The following MET variants were observed in gnomAD, a reference collection of about 807,000 sequenced individuals.
MET encodes the protein hepatocyte growth factor receptor.
A neutral mutation model predicts 133.1 loss-of-function variants in MET; 48 were observed. The ratio of observed to expected loss-of-function variants is 0.36; its 90% CI spans 0.29 to 0.46. MET has a LOEUF of 0.46. Among genes scored for constraint, MET ranks in the 20% least tolerant of loss-of-function variants. The probability of loss-of-function intolerance (pLI) is 1.00; values close to 1 mark genes in which losing one functional copy is unlikely to be tolerated. For synonymous variants in MET, 628 were observed against 616.5 expected (o/e 1.02, Z -0.28); for missense variants, 1,442 against 1,695.9 (o/e 0.85, Z 2.63).
At chr7:116,782,755 G>A (rs539434582) in intron 18 of MET, among the ~76,000 whole-genome samples, 4 of 152,286 alleles carry the variant, frequency 2.6e-5, no homozygotes, top group South Asian at 2.1e-4. Flanking sequence ...CCCAGATAGC[G>A]GAAATTGATT....
chr7:116,771,282 C>G (rs1272850760), intron 12 of MET, among the ~76,000 whole-genome samples: 1 of 152,140 alleles, frequency 6.6e-6, no homozygotes, highest in African/African-American at 2.4e-5. Flanking sequence ...CAAATACAAA[C>G]AGCTAAGTAC....
chr7:116,757,106 G>A (rs574309830), intron 6 of MET, among the ~76,000 whole-genome samples: 2 of 151,770 alleles, frequency 1.3e-5, no homozygotes, highest in South Asian at 2.1e-4. Flanking sequence ...ACCAGATGCC[G>A]TGGCATGCAC....
In MET at chr7:116,699,881, G is replaced by A. The variant is rs2116598150; in HGVS notation, c.797G>A (p.Arg266Lys). The A allele has an allele frequency of 6.2e-7, 1 of 1,614,086 alleles. No individual in the cohort carries two copies. Among genetic ancestry groups the A allele is most frequent in the Non-Finnish European group, 8.5e-7 (1 of 1,179,976 alleles). Residue 266 changes from arginine to lysine, a missense_variant, in exon 2 of 21, where the codon AGG (arginine) becomes AAG (lysine). By Grantham distance (26) the Arg-to-Lys change is conservative (BLOSUM62 2). Transcript: ENST00000397752. ...NNFIYFLTVQ[R>K]ETLDAQTFHT... ...TTTATTTACTTCTTGACGGTCCAAA[G>A]GGAAACTCTAGATGCTCAGACTTTT...
intron 2 of MET, chr7:116,724,642 A>G (rs1584906041): frequency 2.3e-6 from 1 of 440,384 alleles, no homozygotes; most frequent in South Asian, 1.6e-5. Context: ...TTGTTCTGAC[A>G]GCAGACTGAT....
intron 1 of MET, among the ~76,000 whole-genome samples, chr7:116,692,342 T>C (rs1796805430): frequency 6.6e-6 from 1 of 152,192 alleles, no homozygotes; most frequent in Non-Finnish European, 1.5e-5. Flanking sequence ...GAAAGCAAAA[T>C]TACCTATGTC....
At chr7:116,679,412 G>C (rs1796272061) in intron 1 of MET, among the ~76,000 whole-genome samples, 1 of 152,202 alleles carries the variant, frequency 6.6e-6, no homozygotes, top group African/African-American at 2.4e-5. Flanking sequence ...GCCTTGCAAA[G>C]AGTGCTGAAA....
rs778309347 is a variant in MET at position 116,769,652 on chromosome 7, A to G, written c.2591A>G (p.Asp864Gly). ...NENVLEIKGNDIDPEAVKGEV... is the reference protein window; with the variant it reads ...NENVLEIKGNGIDPEAVKGEV... ...TTTTTTTTTTCCTTTCAGGGAAATGATATTGACCCTGAAGCAGTTAAAGGT... is the reference window on the plus strand; with the variant it reads ...TTTTTTTTTTCCTTTCAGGGAAATGGTATTGACCCTGAAGCAGTTAAAGGT... Residue 864 changes from aspartate (D) to glycine (G), a missense_variant, in exon 12 of 21, where the codon GAT (aspartate) becomes GGT (glycine). Physicochemically the swap from Asp to Gly is moderately conservative, Grantham distance 94. Coordinates refer to ENST00000397752, the MANE Select transcript of MET (RefSeq NM_000245.4). 4 of 1,608,172 alleles carry G rather than the reference A, an allele frequency of 2.5e-6. No individual in the cohort carries two copies. The African/African-American group carries it at 4.1e-5, about 16-fold the overall frequency.
In MET at chr7:116,700,365, G is replaced by C. The variant is rs536168827; in HGVS notation, c.1200+81G>C. 2.0e-6 allele frequency: 3 copies of C among 1,469,562 alleles called. No individual in the cohort carries two copies. The South Asian group carries it at 4.1e-5, about 20-fold the overall frequency. The allele number at this position is 1,469,562 out of a possible 1,614,324, so 91.0% of individuals were successfully genotyped here. A position where few individuals can be genotyped will look rare whatever the true frequency, so the allele number is the denominator to read the frequency against. Reference sequence around the variant, plus strand: ...ATCAGTCTCAAAAAGAATATCCAGGGCTTCTTTTGTGCTTTGTAAATGGTG... The same window carrying C: ...ATCAGTCTCAAAAAGAATATCCAGGCCTTCTTTTGTGCTTTGTAAATGGTG... On this transcript the variant is annotated intron_variant, in intron 2 of 20. Transcript: ENST00000397752.
rs2117048380 is a variant in MET at position 116,778,951 on chromosome 7, G to C, written c.3516G>C (p.Glu1172Asp). Residue 1172 changes from glutamate to aspartate, a missense_variant, in exon 17 of 21, where the codon GAG becomes GAC. Physicochemically the swap from Glu to Asp is conservative, Grantham distance 45. Around this residue, in one of 6 missense-constraint regions of MET, gnomAD observed 514 missense variants for 659.6 expected, o/e 0.78. Transcript: ENST00000397752. ...HGDLRNFIRN[E>D]THNPTVKDLI... ...ATCTTCGAAATTTCATTCGAAATGAGACTCATGTAAGTTGACTGCCAAGCT... is the reference window on the plus strand; with the variant it reads ...ATCTTCGAAATTTCATTCGAAATGACACTCATGTAAGTTGACTGCCAAGCT... 6.2e-7 allele frequency: 1 copy of C among 1,613,714 alleles called. No individual in the cohort carries two copies. The highest frequency in any genetic ancestry group is 8.5e-7 in the Non-Finnish European group (1 of 1,179,902).
At chr7:116,730,526 A>G (rs538734809) in intron 2 of MET, among the ~76,000 whole-genome samples, 14 of 152,312 alleles carry the variant, frequency 9.2e-5, no homozygotes, top group African/African-American at 3.4e-4. Context: ...TGGTGGGTCT[A>G]GTTAAGAAGC....
chr7:116,730,380 T>C (rs2116771343), intron 2 of MET, among the ~76,000 whole-genome samples: 1 of 152,308 alleles, frequency 6.6e-6, no homozygotes, highest in African/African-American at 2.4e-5. Flanking sequence ...TAAAAAAATG[T>C]TGTTCTTTAT....
In MET at chr7:116,773,541, C is replaced by A. The variant is rs552621661; in HGVS notation, c.3029-1340C>A. On this transcript the variant is annotated intron_variant, in intron 14 of 20. Coordinates refer to ENST00000397752, the MANE Select transcript of MET (RefSeq NM_000245.4). ...GGCTTTAGGAAGTGAGAATGAAAGA[C>A]CTGAGTTTAGAGAGGCTGATTGGCA... Among the ~76,000 whole-genome samples the A allele has an allele frequency of 2.7e-4, 41 of 152,278 alleles. 1 individual carries two copies. The highest frequency in any genetic ancestry group is 7.9e-4 in the African/African-American group (33 of 41,540).
chr7:116,693,670 C>T (rs1307753319), intron 1 of MET, among the ~76,000 whole-genome samples: 1 of 152,192 alleles, frequency 6.6e-6, no homozygotes, highest in Non-Finnish European at 1.5e-5. Flanking sequence ...CCTCCATAGA[C>T]ATTTCTACAT....
intron 17 of MET, among the ~76,000 whole-genome samples, chr7:116,781,630 C>T (rs1584963819): frequency 6.6e-6 from 1 of 152,130 alleles, no homozygotes; most frequent in East Asian, 1.9e-4. Flanking sequence ...TGCAGTGGCA[C>T]AGTCATAGTG....
intron 1 of MET, among the ~76,000 whole-genome samples, chr7:116,685,070 G>A (rs892910259): frequency 6.6e-6 from 1 of 152,160 alleles, no homozygotes; most frequent in African/African-American, 2.4e-5. Context: ...ACTGAGGTAG[G>A]ATACAGAGAG....
At chr7:116,784,540 C>T (rs1795252194) in intron 19 of MET, among the ~76,000 whole-genome samples, 1 of 152,136 alleles carries the variant, frequency 6.6e-6, no homozygotes. Flanking sequence ...GGAGCAGGAC[C>T]AACGGGGCTG....
intron 2 of MET, among the ~76,000 whole-genome samples, chr7:116,717,524 T>C (rs1012441677): frequency 2.0e-5 from 3 of 152,228 alleles, no homozygotes; most frequent in Admixed American, 6.5e-5. Flanking sequence ...TCAAAATATG[T>C]ATTTCCCAGA....
intron 2 of MET, among the ~76,000 whole-genome samples, chr7:116,702,355 A>C (rs985359405): frequency 1.3e-5 from 2 of 151,938 alleles, no homozygotes; most frequent in Non-Finnish European, 2.9e-5. Context: ...CTGGTTACAA[A>C]GATCAAAATT....
intron 19 of MET, among the ~76,000 whole-genome samples, chr7:116,789,878 G>A (rs1795430829): frequency 6.6e-6 from 1 of 152,190 alleles, no homozygotes; most frequent in Non-Finnish European, 1.5e-5. Context: ...GTAAACGTGT[G>A]CCATGGTGGT....
Sources: allele counts gnomAD v4.1 joint callset (sites outside exome capture counted in the v4.1 genomes callset), GRCh38; gene constraint gnomAD v4.1.1; regional missense constraint gnomAD v4.1.1; transcripts MANE v1.5; gene names NCBI Gene and HGNC (gene_info 2026-07-23, HGNC 2026-07-21).